HERPUD2: variants seen among roughly 807,000 people sequenced by gnomAD.
The protein encoded by HERPUD2 is HERPUD family member 2.
A neutral mutation model predicts 49.9 loss-of-function variants in HERPUD2; 13 were observed. The ratio of observed to expected loss-of-function variants is 0.26; its 90% CI spans 0.17 to 0.41. The LOEUF is 0.41. HERPUD2 is among the 10% of genes least tolerant of loss of function. HERPUD2 has a pLI of 1.00. For missense variants in HERPUD2, 449 were observed against 492.2 expected, an observed-to-expected ratio of 0.91 and a Z score of 0.83; for synonymous variants, 172 against 171.4, an observed-to-expected ratio of 1.00 and a Z score of -0.03.
chr7:35,657,603 CAAAAAAAAA>C (rs34292182), intron 5 of HERPUD2, among the ~76,000 whole-genome samples: 2 of 57,098 alleles, frequency 3.5e-5, no homozygotes, highest in African/African-American at 1.4e-4. Context: ...GACCTTCTCT[CAAAAAAAAA>C]AAAAAAAAAA....
intron 5 of HERPUD2, among the ~76,000 whole-genome samples, chr7:35,647,859 G>A (rs1785083056): frequency 6.6e-6 from 1 of 152,158 alleles, no homozygotes; most frequent in African/African-American, 2.4e-5. Context: ...AGTGAAGTAA[G>A]GCACATATAG....
At chr7:35,667,198 C>T (rs538588299) in intron 5 of HERPUD2, among the ~76,000 whole-genome samples, 33 of 152,132 alleles carry the variant, frequency 2.2e-4, no homozygotes, top group African/African-American at 3.1e-4. Context: ...CAAGGTCTCC[C>T]GGTGATTAGG....
chr7:35,649,692 GAATT>G (rs1283070321), intron 5 of HERPUD2, among the ~76,000 whole-genome samples: 1 of 152,182 alleles, frequency 6.6e-6, no homozygotes, highest in African/African-American at 2.4e-5. Context: ...GCAATTGGGT[GAATT>G]ATTATCAATA....
At chr7:35,634,492 A>G in intron 7 of HERPUD2, 63 bp from the exon 8 acceptor site, 1 of 976,794 alleles carries the variant, frequency 1.0e-6, no homozygotes. Context: ...TAACACTATA[A>G]AATGTTATTA....
intron 5 of HERPUD2, among the ~76,000 whole-genome samples, chr7:35,647,082 A>G (rs1030980881): frequency 6.6e-6 from 1 of 152,166 alleles, no homozygotes; most frequent in African/African-American, 2.4e-5. Context: ...TACAGAGGAG[A>G]AGAGATTAAA....
chr7:35,644,177 A>G (rs992945442), intron 5 of HERPUD2, among the ~76,000 whole-genome samples: 2 of 152,124 alleles, frequency 1.3e-5, no homozygotes, highest in African/African-American at 4.8e-5. Context: ...TAAATTTGAT[A>G]TATCAGTATG....
At chr7:35,692,840 A>G (rs1786222016) in intron 2 of HERPUD2, among the ~76,000 whole-genome samples, 1 of 152,250 alleles carries the variant, frequency 6.6e-6, no homozygotes, top group African/African-American at 2.4e-5. Flanking sequence ...ATATCGTAAT[A>G]TAGATCAAGT....
chr7:35,644,880 C>T (rs936160703), intron 5 of HERPUD2, among the ~76,000 whole-genome samples: 2 of 152,052 alleles, frequency 1.3e-5, no homozygotes, highest in Non-Finnish European at 2.9e-5. Context: ...AAACTGAACA[C>T]AAAGTGAATA....
chr7:35,648,909 G>T (rs1785105711), intron 5 of HERPUD2, among the ~76,000 whole-genome samples: 1 of 152,186 alleles, frequency 6.6e-6, no homozygotes, highest in Admixed American at 6.5e-5. Flanking sequence ...ATATATGTGT[G>T]AACAAATTAG....
chr7:35,645,882 A>G (rs901953091), intron 5 of HERPUD2, among the ~76,000 whole-genome samples: 10 of 152,234 alleles, frequency 6.6e-5, no homozygotes, highest in Non-Finnish European at 1.3e-4. Flanking sequence ...CAAGTGGTGT[A>G]AGACATAGAA....
chr7:35,674,438 GA>G (rs1785715117), intron 2 of HERPUD2, among the ~76,000 whole-genome samples: 2 of 129,236 alleles, frequency 1.5e-5, no homozygotes, highest in African/African-American at 5.7e-5. Context: ...GAGAGAGAGA[GA>G]GAGAGAGAGA....
chr7:35,659,382 G>A (rs1785358400), intron 5 of HERPUD2, among the ~76,000 whole-genome samples: 1 of 152,114 alleles, frequency 6.6e-6, no homozygotes, highest in Non-Finnish European at 1.5e-5. Context: ...CCTAACACAA[G>A]CATTCATTTG....
intron 5 of HERPUD2, among the ~76,000 whole-genome samples, chr7:35,656,303 A>G (rs981310058): frequency 6.6e-6 from 1 of 152,156 alleles, no homozygotes; most frequent in Non-Finnish European, 1.5e-5. Flanking sequence ...GAAAACTATA[A>G]AACACTAATG....
In HERPUD2 at chr7:35,667,415, C is replaced by G; in HGVS notation, c.494+19G>C. The stretch of plus-strand genomic sequence containing the variant: ...AGGGGGCCCCAATCACATTCCATAG[C>G]TACCACAATTTCACTTACCCTTGCA... On this transcript the variant is annotated intron_variant, in intron 5 of 8. Transcript: ENST00000311350. The G allele has an allele frequency of 6.3e-7, 1 of 1,599,040 alleles. No homozygotes were observed. The highest frequency in any genetic ancestry group is 8.6e-7 in the Non-Finnish European group (1 of 1,168,432).
intron 5 of HERPUD2, among the ~76,000 whole-genome samples, chr7:35,650,095 C>T (rs565650353): frequency 1.5e-4 from 23 of 152,184 alleles, no homozygotes; most frequent in African/African-American, 4.8e-4. Flanking sequence ...CTAAGAGAGG[C>T]TTCATGACGG....
At chr7:35,642,653 C>T (rs1376017985) in intron 5 of HERPUD2, among the ~76,000 whole-genome samples, 3 of 152,066 alleles carry the variant, frequency 2.0e-5, no homozygotes, top group Admixed American at 6.6e-5. Flanking sequence ...ATGTCTTTTG[C>T]GGGAACATGG....
intron 2 of HERPUD2, among the ~76,000 whole-genome samples, chr7:35,686,800 T>G: frequency 1.0e-4 from 2 of 19,846 alleles, no homozygotes; most frequent in Non-Finnish European, 1.7e-4. Context: ...TCCAGCACTT[T>G]GGGAGGCTGG....
At chr7:35,655,403 C>T (rs1305956244) in intron 5 of HERPUD2, among the ~76,000 whole-genome samples, 1 of 152,166 alleles carries the variant, frequency 6.6e-6, no homozygotes, top group Non-Finnish European at 1.5e-5. Flanking sequence ...CCCAGGGATG[C>T]AAGAATGATT....
intron 2 of HERPUD2, among the ~76,000 whole-genome samples, chr7:35,683,949 C>A (rs1373428248): frequency 1.3e-5 from 2 of 152,158 alleles, no homozygotes; most frequent in African/African-American, 2.4e-5. Flanking sequence ...AACACTTGTA[C>A]AATGCTGGTG....
Sources: gnomAD v4.1 joint callset for allele counts (sites outside exome capture counted in the v4.1 genomes callset) on GRCh38, gnomAD v4.1.1 for gene constraint, MANE v1.5 for transcripts, NCBI Gene and HGNC (gene_info 2026-07-23, HGNC 2026-07-21) for gene names.